The following NEDD1 variants were observed in gnomAD, a reference collection of about 807,000 sequenced individuals.
NEDD1 encodes the protein NEDD1 gamma-tubulin ring complex targeting factor.
NEDD1 carries 33 observed loss-of-function variants against 74.0 expected under a neutral mutation model. The observed-to-expected ratio is 0.45, with a 90% CI of 0.34 to 0.60. NEDD1 has a LOEUF of 0.60. NEDD1 is among the 20% of genes least tolerant of loss of function. NEDD1 has a pLI of 0.01. For synonymous variants in NEDD1, 250 were observed against 264.4 expected (o/e 0.95, Z 0.53); for missense variants, 746 against 776.5 (o/e 0.96, Z 0.47).
intron 6 of NEDD1, among the ~76,000 whole-genome samples, chr12:96,924,566 T>A (rs1875484724): frequency 6.6e-6 from 1 of 152,204 alleles, no homozygotes; most frequent in South Asian, 2.1e-4. Flanking sequence ...TGATGATACA[T>A]TTCTAATTGC....
intron 6 of NEDD1, among the ~76,000 whole-genome samples, chr12:96,922,147 T>C (rs1875169182): frequency 1.3e-5 from 2 of 152,224 alleles, no homozygotes; most frequent in Admixed American, 1.3e-4. Context: ...TCCTTGAACA[T>C]TAAAAATAGC....
chr12:96,924,892 A>T (rs768318121), intron 6 of NEDD1: 1 of 447,698 alleles, frequency 2.2e-6, no homozygotes, highest in Admixed American at 2.4e-5. Flanking sequence ...TTTGTCCCCA[A>T]ATTCTGGAAG....
At position 96,928,292 on chromosome 12, in the gene NEDD1, A is replaced by G. The variant is rs76837486; in HGVS notation, c.490-6684A>G. 1.0e-2 allele frequency among the ~76,000 whole-genome samples: 1,519 copies of G among 152,230 alleles called. 65 individuals are homozygous for G. Among genetic ancestry groups the G allele is most frequent in the East Asian group, 0.094 (486 of 5,180 alleles). On this transcript the variant is annotated intron_variant, in intron 6 of 15. Transcript: ENST00000266742. ...ACCATAATTTTTAATGACTGGATGT[A>G]TTTCATTATTCAATGCCATCATTTA...
At chr12:96,932,488 A>ATATAT (rs869107212) in intron 6 of NEDD1, among the ~76,000 whole-genome samples, 3 of 82,994 alleles carry the variant, frequency 3.6e-5, no homozygotes, top group Non-Finnish European at 4.9e-5. Context: ...ATATATATAT[A>ATATAT]AAATGCACAC....
chr12:96,939,670 A>T (rs1048241674), intron 9 of NEDD1, among the ~76,000 whole-genome samples: 2 of 152,050 alleles, frequency 1.3e-5, no homozygotes, highest in Non-Finnish European at 2.9e-5. Context: ...TCCAGTAATG[A>T]AACAGAAGCT....
At chr12:96,917,807 T>C in intron 5 of NEDD1, 70 bp downstream of exon 5, 1 of 1,445,152 alleles carries the variant, frequency 6.9e-7, no homozygotes, top group Non-Finnish European at 9.1e-7. Context: ...TTACCAAGCT[T>C]TTATTTTTGA....
intron 6 of NEDD1, among the ~76,000 whole-genome samples, chr12:96,924,619 G>A (rs1875490971): frequency 1.3e-5 from 2 of 152,020 alleles, no homozygotes. Flanking sequence ...GTGGCTTGTA[G>A]AGAGAAACAC....
At chr12:96,911,679 C>T (rs1873931952) in intron 3 of NEDD1, among the ~76,000 whole-genome samples, 1 of 152,072 alleles carries the variant, frequency 6.6e-6, no homozygotes, top group South Asian at 2.1e-4. Context: ...ATGTTTCAGT[C>T]CTTTTTTTTC....
chr12:96,938,288 A>G (rs1182216239), intron 9 of NEDD1, among the ~76,000 whole-genome samples: 1 of 152,098 alleles, frequency 6.6e-6, no homozygotes, highest in Non-Finnish European at 1.5e-5. Flanking sequence ...ATATTAGGAA[A>G]ATAATTAAGT....
chr12:96,945,830 G>A lies in NEDD1; in HGVS notation c.1792G>A (p.Glu598Lys). The A allele has an allele frequency of 6.2e-7, 1 of 1,610,512 alleles. No individual in the cohort carries two copies. The highest frequency in any genetic ancestry group is 8.5e-7 in the Non-Finnish European group (1 of 1,177,172). Residue 598 changes from glutamate to lysine, a missense_variant, in exon 14 of 16, where the codon GAA becomes AAA. This residue lies in a region of NEDD1 where 706 missense variants were observed against 706.7 expected (regional missense o/e 1.00). Transcript: ENST00000266742. ...QIRFIQNMIQ[E>K]TLDDFREACH... The stretch of plus-strand genomic sequence containing the variant: ...TCGTTTTATTCAGAACATGATACAG[G>A]AAACGTTGGATGACTTTAGGTAGTA...
At chr12:96,942,820 A>G (rs1877797988) in intron 11 of NEDD1, among the ~76,000 whole-genome samples, 196 bp downstream of exon 11, 2 of 152,086 alleles carry the variant, frequency 1.3e-5, no homozygotes, top group Non-Finnish European at 2.9e-5. Flanking sequence ...TTCAATCAGG[A>G]TGTCAACCAG....
chr12:96,921,370 G>T (rs1191808142), intron 6 of NEDD1, among the ~76,000 whole-genome samples: 1 of 152,054 alleles, frequency 6.6e-6, no homozygotes, highest in Non-Finnish European at 1.5e-5. Context: ...TAGTAGAGAT[G>T]GGGTTTCACC....
chr12:96,940,365 AT>A, intron 9 of NEDD1, 43 bp from the exon 10 acceptor site: 1 of 1,235,880 alleles, frequency 8.1e-7, no homozygotes. Flanking sequence ...GATAAAATTT[AT>A]TTAGATGTAA....
chr12:96,947,958 A>T (rs1423019698), intron 14 of NEDD1, among the ~76,000 whole-genome samples: 1 of 152,166 alleles, frequency 6.6e-6, no homozygotes, highest in Admixed American at 6.5e-5. Context: ...CCTGGGACGC[A>T]GTGAAGACCC....
At chr12:96,930,986 A>C (rs1447239761) in intron 6 of NEDD1, among the ~76,000 whole-genome samples, 5 of 152,318 alleles carry the variant, frequency 3.3e-5, no homozygotes, top group African/African-American at 1.2e-4. Flanking sequence ...GATGTTAGTT[A>C]CTGCAACAGA....
chr12:96,925,338 A>G (rs192837936), intron 6 of NEDD1, among the ~76,000 whole-genome samples: 1 of 152,340 alleles, frequency 6.6e-6, no homozygotes. Context: ...TAGAATGCTT[A>G]CCACCATTTA....
chr12:96,919,606 C>T (rs1165741161), intron 5 of NEDD1, among the ~76,000 whole-genome samples: 1 of 152,174 alleles, frequency 6.6e-6, no homozygotes, highest in Non-Finnish European at 1.5e-5. Context: ...TTTCCTCTGC[C>T]AACTTCATTC....
At chr12:96,911,074 TAATC>T (rs1208058612) in intron 3 of NEDD1, among the ~76,000 whole-genome samples, 2 of 152,236 alleles carry the variant, frequency 1.3e-5, no homozygotes, top group African/African-American at 4.8e-5. Context: ...GGTACTCTGT[TAATC>T]AAACTCATGG....
At chr12:96,920,478 C>G (rs1452603886) in intron 6 of NEDD1, among the ~76,000 whole-genome samples, 1 of 152,096 alleles carries the variant, frequency 6.6e-6, no homozygotes, top group Non-Finnish European at 1.5e-5. Context: ...AGCTGCAAGA[C>G]AGATACACTC....
Sources: gnomAD v4.1 joint callset for allele counts (sites outside exome capture counted in the v4.1 genomes callset) on GRCh38, gnomAD v4.1.1 for gene constraint, gnomAD v4.1.1 regional missense constraint, MANE v1.5 for transcripts, NCBI Gene and HGNC (gene_info 2026-07-23, HGNC 2026-07-21) for gene names.